Variants in SSH2 observed in about 807,000 individuals in gnomAD.
SSH2 encodes the protein protein phosphatase Slingshot homolog 2.
SSH2 carries 37 observed loss-of-function variants against 135.2 expected under a neutral mutation model. That is an observed-to-expected ratio of 0.27 (90% confidence interval 0.21 to 0.36). The LOEUF (loss-of-function observed/expected upper bound fraction) is 0.36. Among genes scored for constraint, SSH2 ranks in the 10% least tolerant of loss-of-function variants. The probability of loss-of-function intolerance (pLI) is 1.00; values close to 1 mark genes in which losing one functional copy is unlikely to be tolerated. For missense variants in SSH2, 1,408 were observed against 1,765.3 expected, an observed-to-expected ratio of 0.80 and a Z score of 3.63; for synonymous variants, 628 against 646.2, an observed-to-expected ratio of 0.97 and a Z score of 0.43.
chr17:29,671,260 C>T (rs149715474), intron 9 of SSH2, among the ~76,000 whole-genome samples: 39 of 152,228 alleles, frequency 2.6e-4, no homozygotes, highest in African/African-American at 9.1e-4. Context: ...GGCAGGAGGA[C>T]TGAGGCCAGG....
At chr17:29,691,920 C>G (rs2038496578) in intron 5 of SSH2, among the ~76,000 whole-genome samples, 1 of 151,554 alleles carries the variant, frequency 6.6e-6, no homozygotes, top group Admixed American at 6.6e-5. Context: ...GGGCAGATCA[C>G]TTGAGGTCAG....
chr17:29,893,074 C>A (rs145442611), intron 1 of SSH2, among the ~76,000 whole-genome samples: 152 of 152,220 alleles, frequency 1.0e-3, no homozygotes, highest in African/African-American at 3.4e-3. Context: ...ACCCACTCCA[C>A]CAAAGTTGAT....
In SSH2 at chr17:29,692,759, T is replaced by C. The variant is rs143550414; in HGVS notation, c.357+2700A>G. 3.1e-3 allele frequency among the ~76,000 whole-genome samples: 469 copies of C among 152,334 alleles called. 3 individuals carry two copies. The highest frequency in any genetic ancestry group is 0.02 in the Middle Eastern group (6 of 294). On this transcript the variant is annotated intron_variant, in intron 5 of 15. Transcript: ENST00000540801. ...CAGTATGTGCAAGTGACTGTTGTTA[T>C]GGGTTTTCAAAGAGGTGTACTCCAA...
intron 3 of SSH2, chr17:29,716,498 A>C: frequency 1.4e-6 from 1 of 710,272 alleles, no homozygotes; most frequent in East Asian, 2.8e-5. Flanking sequence ...AACATTGTAG[A>C]CTCCTTCAGT....
intron 3 of SSH2, among the ~76,000 whole-genome samples, chr17:29,787,088 G>T (rs767650079): frequency 1.3e-5 from 2 of 152,122 alleles, no homozygotes; most frequent in Non-Finnish European, 2.9e-5. Context: ...TCCATTTCTA[G>T]AACTTTTTTC....
intron 3 of SSH2, among the ~76,000 whole-genome samples, chr17:29,737,520 G>A (rs2040412082): frequency 6.6e-6 from 1 of 152,110 alleles, no homozygotes; most frequent in African/African-American, 2.4e-5. Flanking sequence ...TACTAAGTAG[G>A]GATATGAAAT....
At chr17:29,645,787 C>T (rs2036344519) in intron 14 of SSH2, 1 of 152,168 alleles carries the variant, frequency 6.6e-6, no homozygotes, top group Non-Finnish European at 1.5e-5. Context: ...ATCCTCCCAG[C>T]CTCCTAAGAG....
At chr17:29,847,631 T>C (rs892811706) in intron 2 of SSH2, among the ~76,000 whole-genome samples, 3 of 152,154 alleles carry the variant, frequency 2.0e-5, no homozygotes, top group Admixed American at 1.3e-4. Context: ...TATGAACTAA[T>C]AAGGCAAGAG....
At chr17:29,684,007 C>T (rs577370521) in intron 6 of SSH2, among the ~76,000 whole-genome samples, 33 of 152,150 alleles carry the variant, frequency 2.2e-4, no homozygotes, top group African/African-American at 3.1e-4. Flanking sequence ...AAACCACTTG[C>T]TTTATATTGT....
intron 3 of SSH2, among the ~76,000 whole-genome samples, chr17:29,774,507 C>T (rs567989819): frequency 2.2e-4 from 33 of 152,278 alleles, no homozygotes; most frequent in African/African-American, 7.5e-4. Flanking sequence ...TCAGGTGATC[C>T]ACCCGCCTTG....
intron 1 of SSH2, among the ~76,000 whole-genome samples, chr17:29,869,564 T>G (rs2065906592): frequency 6.6e-6 from 1 of 152,074 alleles, no homozygotes; most frequent in African/African-American, 2.4e-5. Flanking sequence ...AGCAAGAGAC[T>G]AGAGACCCAA....
rs2035740096 is a variant in SSH2 at position 29,632,736 on chromosome 17, C to T, written c.2458G>A (p.Ala820Thr). The T allele has an allele frequency of 6.2e-7, 1 of 1,614,142 alleles. No homozygotes were observed. Among genetic ancestry groups the T allele is most frequent in the Non-Finnish European group, 8.5e-7 (1 of 1,180,032 alleles). Residue 820 changes from alanine (A) to threonine (T), a missense_variant, in exon 16 of 16, where the codon GCC becomes ACC. Physicochemically the swap from Ala to Thr is moderately conservative, Grantham distance 58 (BLOSUM62 0). Around this residue, in one of 3 missense-constraint regions of SSH2, gnomAD observed 1,080 missense variants for 1,144.5 expected, o/e 0.94. Transcript: ENST00000540801. ...NSIHELLLER[A>T]QTPENKPGHM... is the part of the protein sequence containing the mutation. ...CCAGGTTTGTTCTCTGGAGTCTGGG[C>T]CCTCTCAAGGAGCAGCTCATGGATG...
chr17:29,696,128 C>T (rs534928659), intron 4 of SSH2, among the ~76,000 whole-genome samples: 20 of 149,928 alleles, frequency 1.3e-4, no homozygotes, highest in Admixed American at 7.3e-4. Flanking sequence ...CTGTCACCCA[C>T]GCTGGAGTGT....
chr17:29,710,799 C>A (rs549501530), intron 3 of SSH2, among the ~76,000 whole-genome samples: 1 of 152,280 alleles, frequency 6.6e-6, no homozygotes, highest in Admixed American at 6.5e-5. Context: ...ATGTATGCAA[C>A]CTGGCTTCAA....
chr17:29,823,747 C>T (rs941729643), intron 2 of SSH2, among the ~76,000 whole-genome samples: 17 of 151,928 alleles, frequency 1.1e-4, no homozygotes, highest in East Asian at 1.9e-4. Flanking sequence ...AGTGTGGTGA[C>T]GCGTTCCTGT....
At chr17:29,800,862 CTT>C (rs917782999) in intron 2 of SSH2, among the ~76,000 whole-genome samples, 1 of 141,964 alleles carries the variant, frequency 7.0e-6, no homozygotes, top group African/African-American at 2.6e-5. Flanking sequence ...GTCTTTTTTT[CTT>C]TTTTTTTTTC....
chr17:29,866,299 A>G (rs1297543272), intron 1 of SSH2, among the ~76,000 whole-genome samples: 1 of 151,478 alleles, frequency 6.6e-6, no homozygotes, highest in Non-Finnish European at 1.5e-5. Flanking sequence ...CTAAACTAGC[A>G]ACTGATAGCA....
chr17:29,704,818 T>C (rs948412824), intron 3 of SSH2, among the ~76,000 whole-genome samples: 13 of 151,798 alleles, frequency 8.6e-5, no homozygotes, highest in Admixed American at 8.5e-4. Flanking sequence ...TTTCAAGTTA[T>C]CCATCAAGTT....
intron 15 of SSH2, among the ~76,000 whole-genome samples, chr17:29,634,065 A>T (rs543848704): frequency 1.3e-5 from 2 of 152,328 alleles, no homozygotes; most frequent in South Asian, 4.1e-4. Flanking sequence ...GACTTTGCAG[A>T]AAGGCTATTT....
Sources: allele counts gnomAD v4.1 joint callset (sites outside exome capture counted in the v4.1 genomes callset), GRCh38; gene constraint gnomAD v4.1.1; regional missense constraint gnomAD v4.1.1; transcripts MANE v1.5; gene names NCBI Gene and HGNC (gene_info 2026-07-23, HGNC 2026-07-21).